Variants in NF1 observed in about 807,000 individuals in gnomAD.
NF1 encodes neurofibromin 1, also known as neurofibromin.
A neutral mutation model predicts 325.7 loss-of-function variants in NF1; 122 were observed. The observed-to-expected ratio is 0.37, with a 90% CI of 0.32 to 0.44. The LOEUF is 0.44. Among genes scored for constraint, NF1 ranks in the 20% least tolerant of loss-of-function variants. NF1 has a pLI of 1.00. For synonymous variants in NF1, 1,091 were observed against 1,186.0 expected, an observed-to-expected ratio of 0.92 and a Z score of 1.65; for missense variants, 2,140 against 3,415.4, an observed-to-expected ratio of 0.63 and a Z score of 9.31.
chr17:31,338,574 C>T lies in NF1; in HGVS notation c.6820-130C>T, dbSNP rs548707429. 1.4e-5 allele frequency: 10 copies of T among 697,444 alleles called. No homozygotes were observed. The South Asian group carries it at 1.7e-4, about 12-fold the overall frequency. 43.2% of individuals were successfully genotyped at this position (697,444 alleles called of 1,614,324 possible). ...TACATTAAGCTAGCTACCAAGATCA[C>T]CATAGCATGAGAAATCATTCTAGCA... On this transcript the variant is annotated intron_variant, in intron 45 of 57. Coordinates refer to ENST00000358273, the MANE Select transcript of NF1 (RefSeq NM_001042492.3).
At chr17:31,272,523 G>A (rs999156030) in intron 36 of NF1, 1 of 152,182 alleles carries the variant, frequency 6.6e-6, no homozygotes, top group African/African-American at 2.4e-5. Context: ...ATTCAGACTT[G>A]TCTTGGAATT....
At chr17:31,162,305 C>T (rs1232872839) in intron 3 of NF1, among the ~76,000 whole-genome samples, 1 of 151,988 alleles carries the variant, frequency 6.6e-6, no homozygotes, top group Non-Finnish European at 1.5e-5. Flanking sequence ...GGCAAAACCC[C>T]GTCTCTACTA....
At chr17:31,277,638 A>T (rs2068033749) in intron 36 of NF1, among the ~76,000 whole-genome samples, 1 of 152,046 alleles carries the variant, frequency 6.6e-6, no homozygotes. Context: ...CATAGGGAAT[A>T]CAAGCGGAAG....
chr17:31,184,660 TAAAAA>T (rs1166091450), intron 8 of NF1, among the ~76,000 whole-genome samples: 3 of 138,314 alleles, frequency 2.2e-5, no homozygotes, highest in Non-Finnish European at 4.6e-5. Flanking sequence ...AAAAAAAAAA[TAAAAA>T]AAAAAAATAA....
At chr17:31,096,305 G>GTTTGTGGTTGT (rs1241583651) in intron 1 of NF1, among the ~76,000 whole-genome samples, 1 of 149,860 alleles carries the variant, frequency 6.7e-6, no homozygotes, top group Non-Finnish European at 1.5e-5. Flanking sequence ...TTCTGCTAGT[G>GTTTGTGGTTGT]TTTGTGGTTG....
intron 27 of NF1, 109 bp downstream of exon 27, chr17:31,233,322 C>A: frequency 1.8e-6 from 2 of 1,130,460 alleles, no homozygotes; most frequent in East Asian, 2.5e-5. Flanking sequence ...AATTTCAGAG[C>A]CAGAAGAAAG....
chr17:31,190,063 A>C (rs2066313818), intron 8 of NF1, among the ~76,000 whole-genome samples: 1 of 150,306 alleles, frequency 6.7e-6, no homozygotes, highest in Admixed American at 6.7e-5. Flanking sequence ...CGCCTGGCTA[A>C]AAAATGTATT....
intron 36 of NF1, chr17:31,295,244 G>C: frequency 6.2e-7 from 1 of 1,614,098 alleles, no homozygotes; most frequent in South Asian, 1.1e-5. Flanking sequence ...GCTTGTGTTT[G>C]TGACCATTCC....
intron 1 of NF1, among the ~76,000 whole-genome samples, chr17:31,135,119 AATTCTG>A (rs1247216719): frequency 6.6e-6 from 1 of 152,124 alleles, no homozygotes; most frequent in Non-Finnish European, 1.5e-5. Context: ...AACTCTTCTA[AATTCTG>A]ATTCTTTTTT....
At position 31,229,238 on chromosome 17, in the gene NF1, G is replaced by A. The variant is rs754734571; in HGVS notation, c.2623G>A (p.Gly875Ser). The A allele has an allele frequency of 9.3e-6, 15 of 1,612,444 alleles. No individual in the cohort carries two copies. The highest frequency in any genetic ancestry group is 2.2e-5 in the East Asian group (1 of 44,878). ...PPMGPVSERK[G>S]SMISVMSSEG... ...CATGGGTCCAGTCAGTGAACGTAAG[G>A]GTTCTATGATTTCAGTGATGTCTTC... The change falls in exon 21 of 58, where the codon GGT (glycine) becomes AGT (serine). Residue 875 changes from glycine (G) to serine (S), a missense_variant. By Grantham distance (56) the Gly-to-Ser change is moderately conservative. This residue lies in a region of NF1 where 380 missense variants were observed against 639.3 expected (regional missense o/e 0.59). Transcript: ENST00000358273.
At chr17:31,179,304 T>C (rs561167260) in intron 5 of NF1, among the ~76,000 whole-genome samples, 39 of 152,262 alleles carry the variant, frequency 2.6e-4, no homozygotes, top group African/African-American at 7.2e-4. Context: ...AAGATGTTCT[T>C]TGAAACCAAT....
Position 31,330,150 on chromosome 17 carries a change from A to G in NF1, c.5610-146A>G, listed in dbSNP as rs571013712. Reference sequence around the variant, plus strand: ...GGTATTTTGGTTTTACTGTAGAATTATAACATCTTATTTCTAACTGATCAT... The same window carrying G: ...GGTATTTTGGTTTTACTGTAGAATTGTAACATCTTATTTCTAACTGATCAT... On this transcript the variant is annotated intron_variant, in intron 38 of 57. Transcript: ENST00000358273. 4 of 733,308 alleles carry G rather than the reference A, an allele frequency of 5.5e-6. No homozygotes were observed. The South Asian group carries it at 6.8e-5, about 13-fold the overall frequency. The allele number at this position is 733,308 out of a possible 1,614,324, so 45.4% of individuals were successfully genotyped here. A position where few individuals can be genotyped will look rare whatever the true frequency, so the allele number is the denominator to read the frequency against.
intron 17 of NF1, 27 bp downstream of exon 17, chr17:31,225,277 A>G (rs2066994617): frequency 6.2e-6 from 10 of 1,610,968 alleles, no homozygotes; most frequent in Non-Finnish European, 8.5e-6. Context: ...CTTTTTCTGT[A>G]TCATTTTATG....
intron 51 of NF1, among the ~76,000 whole-genome samples, chr17:31,353,350 G>T (rs916006933): frequency 1.3e-5 from 2 of 152,212 alleles, no homozygotes; most frequent in Non-Finnish European, 2.9e-5. Flanking sequence ...AAACCCACTA[G>T]GCCAGGTGCA....
At chr17:31,346,081 G>A (rs201539775) in intron 48 of NF1, 259,763 of 1,448,462 alleles carry the variant, frequency 0.18, no homozygotes, top group Admixed American at 0.25. Flanking sequence ...TACAAGAGCC[G>A]AGGAGTGCTC....
chr17:31,108,262 GTTT>G lies in NF1; in HGVS notation c.60+12919_60+12921del, dbSNP rs56180844. Among the ~76,000 whole-genome samples the G allele has an allele frequency of 4.4e-3, 365 of 82,482 alleles. 1 individual carries two copies. The highest frequency in any genetic ancestry group is 0.02 in the African/African-American group (353 of 17,982). The allele number at this position is 82,482 out of a possible 152,430, so 54.1% of individuals were successfully genotyped here. A position where few individuals can be genotyped will look rare whatever the true frequency, so the allele number is the denominator to read the frequency against. On this transcript the variant is annotated intron_variant, in intron 1 of 57. Coordinates refer to ENST00000358273, the MANE Select transcript of NF1 (RefSeq NM_001042492.3). ...AAAGTTTCCAACATAAAAGTAGAGA[GTTT>G]TTTTTTTTTTTTTTTTTTTTTTTTT...
intron 39 of NF1, 93 bp from the exon 40 acceptor site, chr17:31,334,745 C>A (rs779850209): frequency 9.5e-7 from 1 of 1,051,326 alleles, no homozygotes; most frequent in Admixed American, 1.8e-5. Context: ...TAGTCTTTAC[C>A]TTTTACCATT....
chr17:31,237,220 C>T (rs2067218715), intron 29 of NF1, among the ~76,000 whole-genome samples: 1 of 152,166 alleles, frequency 6.6e-6, no homozygotes, highest in Non-Finnish European at 1.5e-5. Flanking sequence ...AACTCCAGCA[C>T]TAAGCCAATT....
intron 29 of NF1, among the ~76,000 whole-genome samples, chr17:31,247,969 G>A (rs776232076): frequency 6.6e-6 from 1 of 152,178 alleles, no homozygotes; most frequent in Admixed American, 6.5e-5. Flanking sequence ...TTAGGAGGCC[G>A]AGGCAGGTGG....
Sources: gnomAD v4.1 joint callset for allele counts (sites outside exome capture counted in the v4.1 genomes callset) on GRCh38, gnomAD v4.1.1 for gene constraint, gnomAD v4.1.1 regional missense constraint, MANE v1.5 for transcripts, NCBI Gene and HGNC (gene_info 2026-07-23, HGNC 2026-07-21) for gene names.